The following NCF4 variants were observed in gnomAD, a reference collection of about 807,000 sequenced individuals.
NCF4 encodes neutrophil cytosol factor 4.
Under a neutral mutation model 41.7 loss-of-function variants are expected in NCF4, and 30 were observed. The ratio of observed to expected loss-of-function variants is 0.72; its 90% CI spans 0.54 to 0.97. NCF4 has a LOEUF of 0.97. Ranked by LOEUF, NCF4 falls within the 50% of genes least tolerant of loss-of-function variation. The probability of loss-of-function intolerance (pLI) is 0.00; values close to 1 mark genes in which losing one functional copy is unlikely to be tolerated. For synonymous variants in NCF4, 195 were observed against 175.8 expected, an observed-to-expected ratio of 1.11 and a Z score of -0.87; for missense variants, 432 against 460.9, an observed-to-expected ratio of 0.94 and a Z score of 0.57.
At chr22:36,872,807 G>A (rs115815800) in intron 7 of NCF4, among the ~76,000 whole-genome samples, 3,369 of 102,816 alleles carry the variant, frequency 0.033, 109 homozygotes, top group Middle Eastern at 0.14. Flanking sequence ...ATTGAGGGTG[G>A]AGATGAGGGT....
In NCF4 at chr22:36,865,174, CTG is replaced by C; in HGVS notation, c.271+104_271+105del. 2.0e-6 allele frequency: 3 copies of C among 1,521,526 alleles called. No homozygotes were observed. Among genetic ancestry groups the C allele is most frequent in the African/African-American group, 1.4e-5 (1 of 73,012 alleles). 94.3% of individuals were successfully genotyped at this position (1,521,526 alleles called of 1,614,324 possible). On this transcript the variant is annotated intron_variant, in intron 3 of 9. Coordinates refer to ENST00000248899, the MANE Select transcript of NCF4 (RefSeq NM_000631.5). The surrounding 1 kb of genome is among the most constrained non-coding windows in gnomAD (Gnocchi z 4.3). ...GATTTGATCTCAACCCCAGTGAAAACTGTTCATGTAGTTTATAGCCCCCACTC... is the reference window on the plus strand; with the variant it reads ...GATTTGATCTCAACCCCAGTGAAAACTTCATGTAGTTTATAGCCCCCACTC...
In NCF4 at chr22:36,865,822, G is replaced by A. The variant is rs1939914233; in HGVS notation, c.271+750G>A. Among the ~76,000 whole-genome samples, 1 of 151,964 alleles carries A rather than the reference G, an allele frequency of 6.6e-6. No individual in the cohort carries two copies. The highest frequency in any genetic ancestry group is 2.4e-5 in the African/African-American group (1 of 41,372). On this transcript the variant is annotated intron_variant, in intron 3 of 9. Coordinates refer to ENST00000248899, the MANE Select transcript of NCF4 (RefSeq NM_000631.5). This position sits in a 1 kb window ranked among gnomAD's most constrained non-coding sequence, Gnocchi z 4.3. ...ACCCCATCTCCAGTTTGTTTTTTCT[G>A]TCTCTGTTTCTGTCTCTCTCTGTCT...
At chr22:36,877,092 A>G (rs1311469492) in intron 9 of NCF4, among the ~76,000 whole-genome samples, 1 of 151,606 alleles carries the variant, frequency 6.6e-6, no homozygotes, top group Admixed American at 6.6e-5. Flanking sequence ...TTTATACACG[A>G]GACATTTCAG....
chr22:36,861,276 C>T (rs773088620), intron 1 of NCF4, 73 bp downstream of exon 1: 58 of 1,493,452 alleles, frequency 3.9e-5, no homozygotes, highest in Non-Finnish European at 5.0e-5. Flanking sequence ...AAGGCCAGTC[C>T]TTCTGCAGTC....
chr22:36,863,343 G>A (rs989212040), intron 1 of NCF4, among the ~76,000 whole-genome samples: 1 of 151,832 alleles, frequency 6.6e-6, no homozygotes, highest in African/African-American at 2.4e-5. Flanking sequence ...AGGAGGGAAG[G>A]AGCGGAGCAC....
chr22:36,877,939 T>C lies in NCF4; in HGVS notation c.*116T>C, dbSNP rs1399778313. On this transcript the variant is annotated 3_prime_UTR_variant, in exon 10 of 10. Transcript: ENST00000248899. ...GCAGACTTCCTGTCTTTGAGGCTAA[T>C]GGACCCGTGGGGCTTGTAATCTGTC... 1.0e-6 allele frequency: 1 copy of C among 1,003,886 alleles called. No individual in the cohort carries two copies. Among genetic ancestry groups the C allele is most frequent in the Non-Finnish European group, 1.5e-6 (1 of 675,582 alleles). 62.2% of individuals were successfully genotyped at this position (1,003,886 alleles called of 1,614,324 possible). A position where few individuals can be genotyped will look rare whatever the true frequency, so the allele number is the denominator to read the frequency against.
Position 36,871,673 on chromosome 22 carries a change from C to A in NCF4, c.492C>A (p.Gly164=). 6.4e-7 allele frequency: 1 copy of A among 1,571,462 alleles called. No homozygotes were observed. The highest frequency in any genetic ancestry group is 8.6e-7 in the Non-Finnish European group (1 of 1,157,242). ...TRKVKSVSPQ[G]NSVDRMAAPR... ...ACAGCAAGAGCGTGTCCCCACAGGG[C>A]AACAGCGTTGACCGCATGGCAGCTC... Residue 164 remains glycine (G), a synonymous_variant, in exon 6 of 10, where the codon GGC becomes GGA. Transcript: ENST00000248899.
intron 1 of NCF4, among the ~76,000 whole-genome samples, chr22:36,862,119 C>T (rs189246938): frequency 2.0e-4 from 30 of 152,254 alleles, no homozygotes; most frequent in African/African-American, 5.5e-4. Context: ...CTCTAAGCTG[C>T]GGGGGCCCTG....
intron 1 of NCF4, 104 bp downstream of exon 1, chr22:36,861,307 G>A: frequency 2.8e-6 from 4 of 1,421,230 alleles, no homozygotes; most frequent in Middle Eastern, 1.8e-4. Context: ...ATGAGAGGCT[G>A]GGGTTGAGTC....
At chr22:36,870,657 C>G in intron 5 of NCF4, 115 bp downstream of exon 5, 6 of 1,387,394 alleles carry the variant, frequency 4.3e-6, no homozygotes, top group Non-Finnish European at 6.0e-6. Context: ...TATCCCTGGA[C>G]ACTCCAGGAT....
intron 1 of NCF4, 70 bp from the exon 2 acceptor site, chr22:36,863,975 C>T (rs529544146): frequency 7.0e-7 from 1 of 1,433,030 alleles, no homozygotes; most frequent in Non-Finnish European, 9.8e-7. Context: ...TGCACTCTAC[C>T]TCATACCCGG....
intron 5 of NCF4, 143 bp downstream of exon 5, chr22:36,870,685 G>A: frequency 8.2e-7 from 1 of 1,223,974 alleles, no homozygotes; most frequent in East Asian, 2.5e-5. Flanking sequence ...TTTATTAGAT[G>A]GGTTTAGAAA....
rs1939902197 is a variant in NCF4, at chr22:36,865,314, G to A, written c.271+242G>A. ...CCCCGGAGCTCTGATGACCATCGTG[G>A]CCACTCGCTCCTGCTGTCCACTACC... On this transcript the variant is annotated intron_variant, in intron 3 of 9. Coordinates refer to ENST00000248899, the MANE Select transcript of NCF4 (RefSeq NM_000631.5). The surrounding 1 kb of genome is among the most constrained non-coding windows in gnomAD (Gnocchi z 4.3). Among the ~76,000 whole-genome samples, 1 of 152,076 alleles carries A rather than the reference G, an allele frequency of 6.6e-6. No homozygotes were observed. The highest frequency in any genetic ancestry group is 6.5e-5 in the Admixed American group (1 of 15,272).
At position 36,871,635 on chromosome 22, in the gene NCF4, C is replaced by G. The variant is rs1223743400; in HGVS notation, c.471-17C>G. 6.4e-7 allele frequency: 1 copy of G among 1,559,286 alleles called. No individual in the cohort carries two copies. The highest frequency in any genetic ancestry group is 8.7e-7 in the Non-Finnish European group (1 of 1,150,770). On this transcript the variant is annotated splice_polypyrimidine_tract_variant and intron_variant, in intron 5 of 9. Transcript: ENST00000248899. ...AGAGAATCACAGGGCTAACAAGCCC[C>G]TCTTCTCTCTCCACAGCAAGAGCGT...
At chr22:36,869,971 C>T (rs1940014396) in intron 4 of NCF4, 3 of 230,808 alleles carry the variant, frequency 1.3e-5, no homozygotes, top group South Asian at 1.1e-4. Flanking sequence ...TGGCAGATGG[C>T]TCTGGGTGCC....
intron 2 of NCF4, among the ~76,000 whole-genome samples, chr22:36,864,479 A>G (rs927494684): frequency 6.6e-6 from 1 of 152,134 alleles, no homozygotes. Flanking sequence ...CTCCACCTGG[A>G]GAGTCGGGGG....
At chr22:36,875,515 C>A in intron 7 of NCF4, 138 bp from the exon 8 acceptor site, 1 of 789,088 alleles carries the variant, frequency 1.3e-6, no homozygotes, top group Non-Finnish European at 2.1e-6. Context: ...AACTTCCTCG[C>A]TTTCCCTCCT....
rs367636183 is a variant in NCF4 at position 36,867,474 on chromosome 22, C to T, written c.342+12C>T. On this transcript the variant is annotated intron_variant, in intron 4 of 9. Transcript: ENST00000248899. ...ACGCCTACATGAAGGTACCAGTGGG[C>T]CTTGCCACCTTGGCACGTGGAAGGG... 13 of 1,613,842 alleles carry T rather than the reference C, an allele frequency of 8.1e-6. No individual in the cohort carries two copies. Among genetic ancestry groups the T allele is most frequent in the East Asian group, 2.2e-5 (1 of 44,890 alleles).
Position 36,871,200 on chromosome 22 carries a change from G to A in NCF4, c.471-452G>A, listed in dbSNP as rs34247622. On this transcript the variant is annotated intron_variant, in intron 5 of 9. Transcript: ENST00000248899. ...GCCTGGCATCTCCCCTGTGCACACA[G>A]GCAGGTGTGTCTTAATTCCAGCTGT... Among the ~76,000 whole-genome samples the A allele has an allele frequency of 4.0e-3, 615 of 152,338 alleles. 5 individuals carry two copies. The highest frequency in any genetic ancestry group is 0.013 in the African/African-American group (561 of 41,578).
Sources: gnomAD v4.1 joint callset for allele counts (sites outside exome capture counted in the v4.1 genomes callset) on GRCh38, gnomAD v4.1.1 for gene constraint, Gnocchi (gnomAD v3.1) non-coding constraint, MANE v1.5 for transcripts, NCBI Gene and HGNC (gene_info 2026-07-23, HGNC 2026-07-21) for gene names.